Variants in LRP6 observed in about 807,000 individuals in gnomAD.
The protein encoded by LRP6 is low-density lipoprotein receptor-related protein 6.
In LRP6, 43 loss-of-function variants were observed where a neutral mutation model predicts 184.1. The observed-to-expected ratio is 0.23, with a 90% CI of 0.18 to 0.30. LRP6 has a LOEUF of 0.30. Among genes scored for constraint, LRP6 ranks in the 10% least tolerant of loss-of-function variants. The pLI, the probability that LRP6 is intolerant of heterozygous loss-of-function variation, is 1.00. For missense variants in LRP6, 1,571 were observed against 2,005.3 expected (o/e 0.78, Z 4.14); for synonymous variants, 719 against 684.9 (o/e 1.05, Z -0.78).
chr12:12,266,889 G>T lies in LRP6; in HGVS notation c.-154C>A. On this transcript the variant is annotated 5_prime_UTR_variant, in exon 1 of 23. Transcript: ENST00000261349. ...AAAGAAAGGGGCACGTCAAGGTTCCGCGCGCGCCGCCGCCGCCCTCTCTAC... is the reference window on the plus strand; with the variant it reads ...AAAGAAAGGGGCACGTCAAGGTTCCTCGCGCGCCGCCGCCGCCCTCTCTAC... The T allele has an allele frequency of 1.4e-6, 1 of 709,612 alleles. No homozygotes were observed. The highest frequency in any genetic ancestry group is 2.5e-6 in the Non-Finnish European group (1 of 404,860). The allele number at this position is 709,612 out of a possible 1,614,324, so 44.0% of individuals were successfully genotyped here. A position where few individuals can be genotyped will look rare whatever the true frequency, so the allele number is the denominator to read the frequency against.
At position 12,117,597 on chromosome 12, in the gene LRP6, T is replaced by C. The variant is rs769281083; in HGVS notation, c.*3529A>G. The C allele has an allele frequency of 3.9e-5, 6 of 152,252 alleles. No homozygotes were observed. Among genetic ancestry groups the C allele is most frequent in the Non-Finnish European group, 5.9e-5 (4 of 68,038 alleles). The allele number at this position is 152,252 out of a possible 1,614,324, so 9.4% of individuals were successfully genotyped here. On this transcript the variant is annotated 3_prime_UTR_variant, in exon 23 of 23. Transcript: ENST00000261349. ...CTAATCTAGGCAGCTGCAGCCTGTT[T>C]ACTGCATAGAAGTAGGCGTGCTTAA... is the stretch of plus-strand genomic sequence containing the variant.
intron 1 of LRP6, among the ~76,000 whole-genome samples, chr12:12,260,924 C>T (rs1379136419): frequency 6.6e-6 from 1 of 152,176 alleles, no homozygotes; most frequent in African/African-American, 2.4e-5. Flanking sequence ...TAGCACTAAA[C>T]ATTATTTTTC....
intron 2 of LRP6, among the ~76,000 whole-genome samples, chr12:12,227,106 A>G (rs1385886712): frequency 6.6e-6 from 1 of 152,172 alleles, no homozygotes; most frequent in Non-Finnish European, 1.5e-5. Flanking sequence ...TAAACCATAC[A>G]AGCAAATAGA....
Position 12,232,906 on chromosome 12 carries a change from G to A in LRP6, c.449+11356C>T, listed in dbSNP as rs75880819. Among the ~76,000 whole-genome samples, 463 of 152,244 alleles carry A rather than the reference G, an allele frequency of 3.0e-3. 3 individuals are homozygous for A. The highest frequency in any genetic ancestry group is 0.01 in the African/African-American group (436 of 41,556). ...TTACAAATAAAGATAGTAACTTTCA[G>A]GCACTAGAGTCAAAAACCAAATATT... On this transcript the variant is annotated intron_variant, in intron 2 of 22. Coordinates refer to ENST00000261349, the MANE Select transcript of LRP6 (RefSeq NM_002336.3).
Position 12,131,902 on chromosome 12 carries a change from T to TGGCACAGTG in LRP6, c.3888_3889insCACTGTGCC (p.Ala1296_Ser1297insHisCysAla). On this transcript the variant is annotated inframe_insertion, in exon 18 of 23. Coordinates refer to ENST00000261349, the MANE Select transcript of LRP6 (RefSeq NM_002336.3). ...AGGGCACCATCAATACACTGCCCAC[T>TGGCACAGTG]GGCACACTGGAACTGGGACTCTGAG... 6.2e-7 allele frequency: 1 copy of TGGCACAGTG among 1,614,252 alleles called. No homozygotes were observed. Among genetic ancestry groups the TGGCACAGTG allele is most frequent in the Non-Finnish European group, 8.5e-7 (1 of 1,180,044 alleles).
Position 12,125,574 on chromosome 12 carries a change from G to C in LRP6, c.4313-142C>G, listed in dbSNP as rs1949662168. The C allele has an allele frequency of 3.9e-6, 3 of 777,084 alleles. No individual in the cohort carries two copies. The African/African-American group carries it at 5.2e-5, about 14-fold the overall frequency. 48.1% of individuals were successfully genotyped at this position (777,084 alleles called of 1,614,324 possible). ...TAACTTACACTCTTTTCCTATAATT[G>C]AAAACATTTAATGGAGAAAGGAAAT... On this transcript the variant is annotated intron_variant, in intron 20 of 22. Transcript: ENST00000261349.
chr12:12,245,071 T>C (rs566339009), intron 1 of LRP6, among the ~76,000 whole-genome samples: 1 of 152,328 alleles, frequency 6.6e-6, no homozygotes, highest in East Asian at 1.9e-4. Context: ...AGGCAATAGC[T>C]AGATACTGTT....
At chr12:12,135,365 A>T in intron 16 of LRP6, 65 bp from the exon 17 acceptor site, 1 of 1,124,982 alleles carries the variant, frequency 8.9e-7, no homozygotes. Flanking sequence ...AGTGGGAGAG[A>T]AGAGAAAAAG....
rs113614904 is a variant in LRP6 at position 12,246,887 on chromosome 12, T to C, written c.56-2232A>G. 2.1e-4 allele frequency among the ~76,000 whole-genome samples: 32 copies of C among 152,338 alleles called. 1 individual carries two copies. The highest frequency in any genetic ancestry group is 7.7e-4 in the African/African-American group (32 of 41,576). The stretch of plus-strand genomic sequence containing the variant: ...ATTGTGTCTGTCAAATAGTTATAAA[T>C]GTATACTATTTTCATCTATAAGTAC... On this transcript the variant is annotated intron_variant, in intron 1 of 22. Transcript: ENST00000261349.
At chr12:12,141,210 T>C (rs921810558) in intron 15 of LRP6, among the ~76,000 whole-genome samples, 1 of 141,020 alleles carries the variant, frequency 7.1e-6, no homozygotes, top group Non-Finnish European at 1.6e-5. Context: ...GGAGGGAGAG[T>C]GGAGAGAAAG....
chr12:12,197,251 G>T (rs1380692715), intron 3 of LRP6, among the ~76,000 whole-genome samples: 2 of 152,132 alleles, frequency 1.3e-5, no homozygotes, highest in Admixed American at 6.5e-5. Flanking sequence ...GTCTTTAACA[G>T]CCTCCTTACT....
intron 7 of LRP6, among the ~76,000 whole-genome samples, chr12:12,167,145 G>C (rs961927037): frequency 1.3e-5 from 2 of 152,136 alleles, no homozygotes; most frequent in Non-Finnish European, 2.9e-5. Flanking sequence ...AAAAATCATT[G>C]TGAGAAAAAT....
intron 16 of LRP6, among the ~76,000 whole-genome samples, chr12:12,135,768 T>C (rs1278032623): frequency 6.6e-6 from 1 of 151,940 alleles, no homozygotes; most frequent in African/African-American, 2.4e-5. Flanking sequence ...CTACACAACC[T>C]ACAAGAAACT....
intron 2 of LRP6, among the ~76,000 whole-genome samples, chr12:12,229,108 C>T (rs1459951643): frequency 6.6e-6 from 1 of 152,180 alleles, no homozygotes; most frequent in African/African-American, 2.4e-5. Context: ...CAACGGTTCA[C>T]ACCTGTAATC....
intron 7 of LRP6, among the ~76,000 whole-genome samples, chr12:12,177,562 T>C (rs562898513): frequency 6.6e-6 from 1 of 152,276 alleles, no homozygotes; most frequent in Admixed American, 6.5e-5. Context: ...GCTGCACTCT[T>C]TCTTTAGTTT....
At chr12:12,256,668 T>C (rs911514501) in intron 1 of LRP6, among the ~76,000 whole-genome samples, 2 of 152,062 alleles carry the variant, frequency 1.3e-5, no homozygotes, top group African/African-American at 4.8e-5. Context: ...TTAGCCAGCA[T>C]GGTGGCACAC....
chr12:12,184,691 T>C (rs1257930199), intron 4 of LRP6, among the ~76,000 whole-genome samples: 2 of 152,004 alleles, frequency 1.3e-5, no homozygotes, highest in Admixed American at 6.6e-5. Context: ...GCTGAATGAA[T>C]ACAAAGAATG....
At chr12:12,225,838 C>T (rs1022813802) in intron 2 of LRP6, among the ~76,000 whole-genome samples, 2 of 151,194 alleles carry the variant, frequency 1.3e-5, no homozygotes, top group Non-Finnish European at 2.9e-5. Context: ...CACCATTGCA[C>T]TCTAACCTAG....
intron 13 of LRP6, 56 bp from the exon 14 acceptor site, chr12:12,149,209 G>A (rs1950048712): frequency 1.5e-6 from 2 of 1,375,356 alleles, no homozygotes; most frequent in Admixed American, 1.7e-5. Flanking sequence ...ATAACCCTGA[G>A]GCAATCAGTC....
Sources: gnomAD v4.1 joint callset for allele counts (sites outside exome capture counted in the v4.1 genomes callset) on GRCh38, gnomAD v4.1.1 for gene constraint, MANE v1.5 for transcripts, NCBI Gene and HGNC (gene_info 2026-07-23, HGNC 2026-07-21) for gene names.